Variants in GLI3 observed in about 807,000 individuals in gnomAD.
The protein encoded by GLI3 is transcription activator GLI3.
GLI3 carries 20 observed loss-of-function variants against 100.8 expected under a neutral mutation model. The ratio of observed to expected loss-of-function variants is 0.20; its 90% CI spans 0.14 to 0.29. The LOEUF (loss-of-function observed/expected upper bound fraction) is 0.29, where lower values mean the gene tolerates loss of function less well. Ranked by LOEUF, GLI3 falls within the 10% of genes least tolerant of loss-of-function variation. GLI3 has a pLI of 1.00. For missense variants in GLI3, 2,040 were observed against 2,128.5 expected, an observed-to-expected ratio of 0.96 and a Z score of 0.82; for synonymous variants, 938 against 860.5, an observed-to-expected ratio of 1.09 and a Z score of -1.58.
At chr7:42,197,501 T>C (rs1787950548) in intron 2 of GLI3, among the ~76,000 whole-genome samples, 1 of 151,750 alleles carries the variant, frequency 6.6e-6, no homozygotes, top group East Asian at 1.9e-4. Flanking sequence ...GCAGGGGGAG[T>C]TGACCACTGG....
chr7:42,182,683 C>CGTGTGTATATATATATATATATAT (rs1562775920), intron 2 of GLI3, among the ~76,000 whole-genome samples: 6 of 54,868 alleles, frequency 1.1e-4, no homozygotes, highest in African/African-American at 5.5e-4. Context: ...TATATATATA[C>CGTGTGTATATATATATATATATAT]ACATGTGTGT....
chr7:42,118,168 A>C (rs940335321), intron 3 of GLI3: 2 of 393,676 alleles, frequency 5.1e-6, no homozygotes, highest in South Asian at 2.8e-4. Context: ...AATCATCTTA[A>C]TGAAATACAC....
chr7:42,174,638 T>C (rs552715019), intron 2 of GLI3, among the ~76,000 whole-genome samples: 1 of 152,264 alleles, frequency 6.6e-6, no homozygotes, highest in East Asian at 1.9e-4. Flanking sequence ...CTGAAGCACA[T>C]TTCGGTTCAC....
At chr7:41,997,803 C>T (rs1396348400) in intron 10 of GLI3, among the ~76,000 whole-genome samples, 1 of 152,156 alleles carries the variant, frequency 6.6e-6, no homozygotes, top group Admixed American at 6.5e-5. Flanking sequence ...GGAACTGGTG[C>T]TTGGTGCAAC....
At chr7:42,039,152 G>T (rs1176674082) in intron 7 of GLI3, among the ~76,000 whole-genome samples, 1 of 152,146 alleles carries the variant, frequency 6.6e-6, no homozygotes, top group South Asian at 2.1e-4. Flanking sequence ...ATTAATTAGA[G>T]TACTATCTAA....
chr7:42,148,530 T>G, intron 2 of GLI3, 62 bp from the exon 3 acceptor site: 2 of 1,480,026 alleles, frequency 1.4e-6, no homozygotes, highest in Non-Finnish European at 1.9e-6. Context: ...TAAAAAACCA[T>G]GATCAATTAG....
At chr7:42,015,965 CTGTCTCCCAGGGACATCTGACAA>C (rs1339035633) in intron 10 of GLI3, among the ~76,000 whole-genome samples, 1 of 152,066 alleles carries the variant, frequency 6.6e-6, no homozygotes, top group African/African-American at 2.4e-5. Context: ...GGGGGCAATA[CTGTCTCCCAGGGACATCTGACAA>C]TGTCTGGAAA....
chr7:42,233,829 GA>G (rs1239624489), intron 1 of GLI3, among the ~76,000 whole-genome samples: 1 of 152,126 alleles, frequency 6.6e-6, no homozygotes. Context: ...AGGCTTTAAT[GA>G]AAAGACAACC....
At chr7:41,985,261 T>C (rs1019912885) in intron 10 of GLI3, among the ~76,000 whole-genome samples, 1 of 152,246 alleles carries the variant, frequency 6.6e-6, no homozygotes, top group Non-Finnish European at 1.5e-5. Context: ...TGGAAATGTT[T>C]GATAGTTTCA....
At chr7:42,249,429 C>T (rs780369149) in intron 1 of GLI3, among the ~76,000 whole-genome samples, 1 of 152,146 alleles carries the variant, frequency 6.6e-6, no homozygotes, top group Non-Finnish European at 1.5e-5. Context: ...CTAAGCTTGT[C>T]ACCTTACAAA....
Position 41,965,962 on chromosome 7 carries a change from C to A in GLI3, c.3111G>T (p.Thr1037=). 1 of 1,609,848 alleles carries A rather than the reference C, an allele frequency of 6.2e-7. No individual in the cohort carries two copies. Among genetic ancestry groups the A allele is most frequent in the Non-Finnish European group, 8.5e-7 (1 of 1,179,604 alleles). ...GCACGAGACTGCGCTTCTCCGCGGACGTGGCCATCGCCGGGGGGTTGCAGC... is the reference window on the plus strand; with the variant it reads ...GCACGAGACTGCGCTTCTCCGCGGAAGTGGCCATCGCCGGGGGGTTGCAGC... ...LSSCNPPAMA[T]SAEKRSLVLQ... The change falls in exon 15 of 15, where the codon ACG becomes ACT. Residue 1037 remains threonine (T), a synonymous_variant. Coordinates refer to ENST00000395925, the MANE Select transcript of GLI3 (RefSeq NM_000168.6).
chr7:42,164,046 G>C (rs1459949742), intron 2 of GLI3, among the ~76,000 whole-genome samples: 1 of 152,032 alleles, frequency 6.6e-6, no homozygotes, highest in Non-Finnish European at 1.5e-5. Context: ...TATCTGGATA[G>C]ACTTGAAATT....
intron 2 of GLI3, chr7:42,150,263 A>T (rs1786822752): frequency 6.6e-6 from 1 of 152,206 alleles, no homozygotes; most frequent in African/African-American, 2.4e-5. Flanking sequence ...AATTCATACC[A>T]TGCTCCTTGC....
chr7:42,249,423 G>A (rs549617952), intron 1 of GLI3, among the ~76,000 whole-genome samples: 184 of 152,146 alleles, frequency 1.2e-3, no homozygotes, highest in Non-Finnish European at 2.1e-3. Context: ...ATCATCCTAA[G>A]CTTGTCACCT....
At chr7:42,202,834 G>A (rs1334534804) in intron 2 of GLI3, among the ~76,000 whole-genome samples, 1 of 152,120 alleles carries the variant, frequency 6.6e-6, no homozygotes, top group Non-Finnish European at 1.5e-5. Context: ...CCAACCTCAG[G>A]GGGCCCCCAA....
intron 3 of GLI3, chr7:42,118,230 T>C (rs917674669): frequency 1.8e-5 from 7 of 398,494 alleles, no homozygotes; most frequent in African/African-American, 1.0e-4. Flanking sequence ...ATGTGCATGT[T>C]AAGTCCCAAA....
chr7:41,974,385 C>T (rs753392816), intron 12 of GLI3, among the ~76,000 whole-genome samples: 1 of 152,106 alleles, frequency 6.6e-6, no homozygotes, highest in Non-Finnish European at 1.5e-5. Flanking sequence ...ATAACATAAA[C>T]AAAATATATT....
intron 4 of GLI3, among the ~76,000 whole-genome samples, chr7:42,068,782 T>C (rs1784726328): frequency 6.6e-6 from 1 of 152,100 alleles, no homozygotes; most frequent in Non-Finnish European, 1.5e-5. Flanking sequence ...CTCTGTTACC[T>C]AAGTGAGGGA....
rs148564420 is a variant in GLI3 at position 42,161,280 on chromosome 7, G to A, written c.125-12812C>T. 5.2e-3 allele frequency among the ~76,000 whole-genome samples: 797 copies of A among 152,174 alleles called. 7 individuals are homozygous for A. The highest frequency in any genetic ancestry group is 0.018 in the African/African-American group (744 of 41,514). The stretch of plus-strand genomic sequence containing the variant: ...AATGATAGGAAATTTAAATTTCAAG[G>A]TCCATAAATAATGTTTTGTTGGAAC... On this transcript the variant is annotated intron_variant, in intron 2 of 14. Transcript: ENST00000395925.
Sources: gnomAD v4.1 joint callset for allele counts (sites outside exome capture counted in the v4.1 genomes callset) on GRCh38, gnomAD v4.1.1 for gene constraint, MANE v1.5 for transcripts, NCBI Gene and HGNC (gene_info 2026-07-23, HGNC 2026-07-21) for gene names.